The following CUL3 variants were observed in gnomAD, a reference collection of about 807,000 sequenced individuals.
CUL3 encodes the protein cullin 3, also known as cullin-3.
A neutral mutation model predicts 89.1 loss-of-function variants in CUL3; 19 were observed. That is an observed-to-expected ratio of 0.21 (90% confidence interval 0.15 to 0.31). The LOEUF is 0.31. Ranked by LOEUF, CUL3 falls within the 10% of genes least tolerant of loss-of-function variation. The pLI is 1.00. For missense variants in CUL3, 469 were observed against 942.3 expected (o/e 0.50, Z 6.58); for synonymous variants, 351 against 308.4 (o/e 1.14, Z -1.45).
At chr2:224,528,125 C>T (rs2106249655) in intron 3 of CUL3, among the ~76,000 whole-genome samples, 1 of 152,260 alleles carries the variant, frequency 6.6e-6, no homozygotes, top group East Asian at 1.9e-4. Context: ...AAAATTACCA[C>T]AAATTTGTGG....
intron 1 of CUL3, among the ~76,000 whole-genome samples, chr2:224,560,104 G>T (rs368372184): frequency 6.6e-6 from 1 of 152,004 alleles, no homozygotes; most frequent in Non-Finnish European, 1.5e-5. Flanking sequence ...AGAAAAAAAA[G>T]AAACAAATTC....
chr2:224,559,067 G>C (rs72974219), intron 1 of CUL3, among the ~76,000 whole-genome samples: 43,239 of 148,512 alleles, frequency 0.29, 6,498 homozygotes, highest in Middle Eastern at 0.42. Flanking sequence ...AAAAAAAAAA[G>C]AAAGAAAACT....
At chr2:224,483,958 A>C (rs186154381) in intron 13 of CUL3, among the ~76,000 whole-genome samples, 25 of 152,254 alleles carry the variant, frequency 1.6e-4, no homozygotes, top group South Asian at 1.2e-3. Context: ...GGGAGACCAA[A>C]GTAAGAAAAT....
chr2:224,482,503 G>A (rs1383862186), intron 13 of CUL3, among the ~76,000 whole-genome samples: 1 of 151,854 alleles, frequency 6.6e-6, no homozygotes, highest in Non-Finnish European at 1.5e-5. Context: ...AAAAAAGGAA[G>A]GTAAGCCTGA....
In CUL3 at chr2:224,503,638, A is replaced by G. The variant is rs1692483248; in HGVS notation, c.1377+14T>C. On this transcript the variant is annotated intron_variant, in intron 9 of 15. Coordinates refer to ENST00000264414, the MANE Select transcript of CUL3 (RefSeq NM_003590.5). The stretch of plus-strand genomic sequence containing the variant: ...CAGTTAGGTGCACTCTATTTCATCT[A>G]AAACACACCTTACCTTTAACTTAGA... 1 of 1,556,808 alleles carries G rather than the reference A, an allele frequency of 6.4e-7. No individual in the cohort carries two copies. The highest frequency in any genetic ancestry group is 2.0e-5 in the Admixed American group (1 of 49,346).
intron 2 of CUL3, among the ~76,000 whole-genome samples, chr2:224,541,282 C>G (rs1283758634): frequency 3.3e-5 from 5 of 151,190 alleles, no homozygotes; most frequent in African/African-American, 1.2e-4. Context: ...GAGCAAAAGA[C>G]TTGAACAGAC....
intron 3 of CUL3, among the ~76,000 whole-genome samples, chr2:224,525,520 A>G (rs1350362013): frequency 1.3e-5 from 2 of 152,218 alleles, no homozygotes; most frequent in African/African-American, 4.8e-5. Context: ...GTTGTTATGT[A>G]TTTGGAAAAA....
intron 2 of CUL3, among the ~76,000 whole-genome samples, chr2:224,548,464 TAA>T (rs1334404737): frequency 6.6e-6 from 1 of 152,248 alleles, no homozygotes; most frequent in Non-Finnish European, 1.5e-5. Context: ...ACTAAAAAGA[TAA>T]GTTAATTTTA....
chr2:224,487,435 G>GCT (rs1691769628), intron 13 of CUL3, among the ~76,000 whole-genome samples: 1 of 51,748 alleles, frequency 1.9e-5, no homozygotes, highest in East Asian at 5.6e-4. Context: ...TACCAAGCCC[G>GCT]CCCCCCCCAA....
chr2:224,505,288 C>T (rs1963593), intron 8 of CUL3, among the ~76,000 whole-genome samples: 27,976 of 151,922 alleles, frequency 0.18, 2,920 homozygotes, highest in South Asian at 0.27. Flanking sequence ...CAGGCATCCA[C>T]CACCATGCCC....
intron 2 of CUL3, among the ~76,000 whole-genome samples, chr2:224,548,076 G>T (rs1694370494): frequency 6.6e-6 from 1 of 152,170 alleles, no homozygotes. Flanking sequence ...TCTACAAAAA[G>T]ACATTGCAGT....
chr2:224,511,634 T>C, intron 5 of CUL3, 52 bp from the exon 6 acceptor site: 4 of 1,085,892 alleles, frequency 3.7e-6, no homozygotes, highest in Non-Finnish European at 5.2e-6. Context: ...AAGAGTGTTT[T>C]TGCTTTTAGC....
intron 2 of CUL3, among the ~76,000 whole-genome samples, chr2:224,556,033 G>A (rs933206778): frequency 6.6e-6 from 1 of 151,616 alleles, no homozygotes; most frequent in African/African-American, 2.4e-5. Context: ...ACTGCTGATT[G>A]TGTGAAAAAC....
At position 224,481,311 on chromosome 2, in the gene CUL3, T is replaced by G. The variant is rs375484636; in HGVS notation, c.2029+581A>C. Among the ~76,000 whole-genome samples the G allele has an allele frequency of 3.7e-4, 57 of 152,068 alleles. No individual in the cohort carries two copies. The East Asian group carries it at 8.5e-3, about 23-fold the overall frequency. On this transcript the variant is annotated intron_variant, in intron 14 of 15. Transcript: ENST00000264414. ...AATCAGCAAGGGTGGAGTGCCTTTT[T>G]TCCCCTTTAAATACACAGAAAACAA... is the stretch of plus-strand genomic sequence containing the variant.
chr2:224,520,254 T>G (rs920446898), intron 3 of CUL3, among the ~76,000 whole-genome samples: 2 of 151,686 alleles, frequency 1.3e-5, no homozygotes, highest in Admixed American at 1.3e-4. Context: ...CTCTCAAGGG[T>G]TGCTATTCCT....
chr2:224,545,105 G>A (rs1306831231), intron 2 of CUL3, among the ~76,000 whole-genome samples: 3 of 151,986 alleles, frequency 2.0e-5, no homozygotes, highest in African/African-American at 7.3e-5. Flanking sequence ...AATACATATA[G>A]CAATCTTAAG....
chr2:224,555,701 A>C (rs920307542), intron 2 of CUL3, among the ~76,000 whole-genome samples: 8 of 152,160 alleles, frequency 5.3e-5, no homozygotes, highest in African/African-American at 1.9e-4. Context: ...ATATAATTTC[A>C]CAACATCTGC....
chr2:224,503,608 A>T (rs1261247799), intron 9 of CUL3, 44 bp downstream of exon 9: 1 of 1,452,764 alleles, frequency 6.9e-7, no homozygotes, highest in South Asian at 1.4e-5. Context: ...AATCATAATA[A>T]ACCTCAGTTA....
intron 1 of CUL3, chr2:224,569,789 A>C (rs1559237194): frequency 8.6e-7 from 1 of 1,162,800 alleles, no homozygotes; most frequent in East Asian, 8.3e-5. Context: ...CATACAAAGG[A>C]CAAGAAGTCT....
Sources: gnomAD v4.1 joint callset for allele counts (sites outside exome capture counted in the v4.1 genomes callset) on GRCh38, gnomAD v4.1.1 for gene constraint, MANE v1.5 for transcripts, NCBI Gene and HGNC (gene_info 2026-07-23, HGNC 2026-07-21) for gene names.